The following CENPP variants were observed in gnomAD, a reference collection of about 807,000 sequenced individuals.
The protein encoded by CENPP is centromere protein P.
In CENPP, 24 loss-of-function variants were observed where a neutral mutation model predicts 35.6. That is an observed-to-expected ratio of 0.67 (90% CI 0.49 to 0.95). CENPP has a LOEUF of 0.95. Among genes scored for constraint, CENPP ranks in the 40% least tolerant of loss-of-function variants. The pLI, the probability that CENPP is intolerant of heterozygous loss-of-function variation, is 0.00. For missense variants in CENPP, 332 were observed against 345.3 expected, an observed-to-expected ratio of 0.96 and a Z score of 0.31; for synonymous variants, 120 against 125.5, an observed-to-expected ratio of 0.96 and a Z score of 0.29.
intron 5 of CENPP, among the ~76,000 whole-genome samples, chr9:92,512,621 G>A (rs1384830367): frequency 2.0e-5 from 3 of 152,208 alleles, no homozygotes; most frequent in Admixed American, 2.0e-4. Context: ...TCATCTCCCA[G>A]ACTCTCTCAG....
chr9:92,327,945 G>A (rs531136528), intron 1 of CENPP, among the ~76,000 whole-genome samples: 1 of 152,048 alleles, frequency 6.6e-6, no homozygotes, highest in Non-Finnish European at 1.5e-5. Flanking sequence ...CAACTCTTAC[G>A]ATCTCTATTT....
chr9:92,416,591 C>G, intron 5 of CENPP: 2 of 1,342,038 alleles, frequency 1.5e-6, no homozygotes, highest in Non-Finnish European at 2.0e-6. Context: ...TTCTTTCTCT[C>G]TTCAAAACAC....
intron 4 of CENPP, among the ~76,000 whole-genome samples, chr9:92,364,564 C>G (rs1841840218): frequency 6.6e-6 from 1 of 152,056 alleles, no homozygotes; most frequent in South Asian, 2.1e-4. Flanking sequence ...GTGTATGGAA[C>G]TGGTTGTTGT....
At chr9:92,426,273 T>G (rs987440097) in intron 5 of CENPP, among the ~76,000 whole-genome samples, 5 of 152,184 alleles carry the variant, frequency 3.3e-5, no homozygotes, top group Non-Finnish European at 7.3e-5. Flanking sequence ...TTGAAAAGTG[T>G]AAATTATATG....
intron 5 of CENPP, chr9:92,393,049 C>T (rs777003538): frequency 1.0e-5 from 16 of 1,549,320 alleles, no homozygotes; most frequent in African/African-American, 1.4e-5. Context: ...AATACTAATA[C>T]GAGTTAATAC....
At chr9:92,598,222 C>G (rs1281671412) in intron 5 of CENPP, among the ~76,000 whole-genome samples, 3 of 152,152 alleles carry the variant, frequency 2.0e-5, no homozygotes, top group Non-Finnish European at 2.9e-5. Flanking sequence ...CTGGGCTGGC[C>G]AAGGGCAGGG....
intron 5 of CENPP, chr9:92,466,695 G>T (rs1845328220): frequency 3.5e-6 from 3 of 858,398 alleles, no homozygotes; most frequent in East Asian, 2.5e-5. Context: ...GATCACCCAT[G>T]TAAAAACTTT....
chr9:92,462,975 T>C (rs2131050800), intron 5 of CENPP, among the ~76,000 whole-genome samples: 1 of 152,252 alleles, frequency 6.6e-6, no homozygotes, highest in African/African-American at 2.4e-5. Context: ...GAGGGAACTG[T>C]TGTGTCCCTT....
chr9:92,337,472 AAATT>A, intron 2 of CENPP, 65 bp from the exon 3 acceptor site: 1 of 894,868 alleles, frequency 1.1e-6, no homozygotes, highest in Non-Finnish European at 1.9e-6. Flanking sequence ...TATTCACACA[AAATT>A]AAATAATACA....
At chr9:92,552,442 C>T (rs903619624) in intron 5 of CENPP, among the ~76,000 whole-genome samples, 11 of 152,280 alleles carry the variant, frequency 7.2e-5, no homozygotes, top group African/African-American at 2.4e-4. Flanking sequence ...AGTGGCTGTA[C>T]TAGTTTTCAT....
At chr9:92,374,119 CAAAA>C (rs35803886) in intron 4 of CENPP, among the ~76,000 whole-genome samples, 3 of 97,884 alleles carry the variant, frequency 3.1e-5, no homozygotes, top group Admixed American at 2.3e-4. Flanking sequence ...CAGCAGTGAC[CAAAA>C]AAAAAAAAAA....
intron 4 of CENPP, among the ~76,000 whole-genome samples, chr9:92,359,855 A>G (rs1351820064): frequency 6.6e-6 from 1 of 151,256 alleles, no homozygotes. Context: ...TTATACTCAC[A>G]TGACTGCCTG....
chr9:92,513,466 ACACTTAGGTC>A (rs1436275678), intron 5 of CENPP, among the ~76,000 whole-genome samples: 2 of 152,166 alleles, frequency 1.3e-5, no homozygotes, highest in Admixed American at 1.3e-4. Flanking sequence ...AGAGAAATGA[ACACTTAGGTC>A]CACACAAACA....
rs900186969 is a variant in CENPP, at chr9:92,385,850, A to G, written c.564+5991A>G. On this transcript the variant is annotated intron_variant, in intron 5 of 7. Transcript: ENST00000375587. ...CTGAAATCAACCTTTCATATGCTAT[A>G]TAATGGGTAAAGGAAACCTAAGTCA... The G allele has an allele frequency of 5.8e-6, 9 of 1,552,622 alleles. No homozygotes were observed. The South Asian group carries it at 6.8e-5, about 12-fold the overall frequency.
At chr9:92,386,141 G>A in intron 5 of CENPP, 1 of 1,291,572 alleles carries the variant, frequency 7.7e-7, no homozygotes, top group Non-Finnish European at 1.1e-6. Context: ...TTCCCAATGA[G>A]TCACAAGATT....
intron 5 of CENPP, chr9:92,417,495 A>G (rs1210168909): frequency 6.2e-7 from 1 of 1,613,644 alleles, no homozygotes; most frequent in East Asian, 2.2e-5. Context: ...TAAGTTTCAT[A>G]TTGGCAATGT....
At chr9:92,368,844 G>A (rs1841946467) in intron 4 of CENPP, among the ~76,000 whole-genome samples, 1 of 152,110 alleles carries the variant, frequency 6.6e-6, no homozygotes, top group African/African-American at 2.4e-5. Context: ...TTCATGACCA[G>A]TGTTGGCAAC....
chr9:92,612,683 C>T (rs1851298336), intron 7 of CENPP, 69 bp downstream of exon 7: 3 of 1,140,030 alleles, frequency 2.6e-6, no homozygotes, highest in Non-Finnish European at 4.0e-6. Context: ...TGCCTGTTTC[C>T]TCTGGGTTTC....
At chr9:92,392,622 G>A (rs1351768795) in intron 5 of CENPP, among the ~76,000 whole-genome samples, 2 of 151,568 alleles carry the variant, frequency 1.3e-5, no homozygotes, top group Middle Eastern at 6.8e-3. Flanking sequence ...GTCGGGTTGG[G>A]GGGAGGGGGG....
Sources: allele counts gnomAD v4.1 joint callset (sites outside exome capture counted in the v4.1 genomes callset), GRCh38; gene constraint gnomAD v4.1.1; transcripts MANE v1.5; gene names NCBI Gene and HGNC (gene_info 2026-07-23, HGNC 2026-07-21).